GTSE1: variants seen among roughly 807,000 people sequenced by gnomAD.
GTSE1 encodes G2 and S phase-expressed protein 1.
A neutral mutation model predicts 60.5 loss-of-function variants in GTSE1; 52 were observed. The observed-to-expected ratio is 0.86, with a 90% CI of 0.69 to 1.08. GTSE1 has a LOEUF of 1.08. Among genes scored for constraint, GTSE1 ranks in the 50% least tolerant of loss-of-function variants. The pLI is 0.00. For synonymous variants in GTSE1, 368 were observed against 386.5 expected (o/e 0.95, Z 0.56); for missense variants, 937 against 961.8 (o/e 0.97, Z 0.34).
chr22:46,297,902 G>A lies in GTSE1; in HGVS notation c.79+423G>A, dbSNP rs976718211. On this transcript the variant is annotated intron_variant, in intron 2 of 11. Coordinates refer to ENST00000454366, the MANE Select transcript of GTSE1 (RefSeq NM_016426.7). The surrounding 1 kb of genome is among the most constrained non-coding windows in gnomAD (Gnocchi z 4.9). The stretch of plus-strand genomic sequence containing the variant: ...GACTGGTTTGGGTATCAAGGTGAGG[G>A]TACAGCTTCACAGAATGAGTTACAG... Among the ~76,000 whole-genome samples, 2 of 152,034 alleles carry A rather than the reference G, an allele frequency of 1.3e-5. No homozygotes were observed. The highest frequency in any genetic ancestry group is 4.8e-5 in the African/African-American group (2 of 41,378).
intron 7 of GTSE1, among the ~76,000 whole-genome samples, chr22:46,322,615 C>CT (rs1267593836): frequency 1.3e-5 from 2 of 152,176 alleles, no homozygotes; most frequent in Admixed American, 1.3e-4. Context: ...CTGGTGACCC[C>CT]TTTGCCCTCT....
rs994848446 is a variant in GTSE1 at position 46,317,163 on chromosome 22, C to T, written c.1432+751C>T. Among the ~76,000 whole-genome samples the T allele has an allele frequency of 2.0e-5, 3 of 152,206 alleles. No homozygotes were observed. The highest frequency in any genetic ancestry group is 4.1e-4 in the South Asian group (2 of 4,830). The stretch of plus-strand genomic sequence containing the variant: ...TGTATTTTTGGTAGAGACGGGGTTT[C>T]GCCATGTTGGCCAGGCTGGTCTGGA... On this transcript the variant is annotated intron_variant, in intron 7 of 11. Coordinates refer to ENST00000454366, the MANE Select transcript of GTSE1 (RefSeq NM_016426.7). The surrounding 1 kb of genome is among the most constrained non-coding windows in gnomAD (Gnocchi z 5.6).
chr22:46,329,268 C>T lies in GTSE1; in HGVS notation c.1927-90C>T. ...TTCCTTGGCTTTCCAAACCGCCAGC[C>T]CACCTGGAACATGAGCAAAGCTCAC... On this transcript the variant is annotated intron_variant, in intron 10 of 11. Transcript: ENST00000454366. This position sits in a 1 kb window ranked among gnomAD's most constrained non-coding sequence, Gnocchi z 6.4. The T allele has an allele frequency of 8.1e-6, 9 of 1,107,442 alleles. 1 individual carries two copies. The highest frequency in any genetic ancestry group is 1.2e-5 in the Non-Finnish European group (9 of 728,468). The allele number at this position is 1,107,442 out of a possible 1,614,324, so 68.6% of individuals were successfully genotyped here.
Position 46,308,492 on chromosome 22 carries a change from A to C in GTSE1, c.311A>C (p.Glu104Ala). The change falls in exon 4 of 12, where the codon GAA becomes GCA. Residue 104 changes from glutamate to alanine, a missense_variant. Coordinates refer to ENST00000454366, the MANE Select transcript of GTSE1 (RefSeq NM_016426.7). ...AGEKFVEVYK[E>A]AHLLALHIES... Reference sequence around the variant, plus strand: ...GAGAAGTTCGTGGAGGTGTACAAAGAAGCTCACTTACTGGCTTTACACATT... The same window carrying C: ...GAGAAGTTCGTGGAGGTGTACAAAGCAGCTCACTTACTGGCTTTACACATT... The C allele has an allele frequency of 6.2e-7, 1 of 1,614,220 alleles. No individual in the cohort carries two copies. Among genetic ancestry groups the C allele is most frequent in the East Asian group, 2.2e-5 (1 of 44,886 alleles).
In GTSE1 at chr22:46,321,607, C is replaced by T. The variant is rs551420574; in HGVS notation, c.1433-1583C>T. ...TAACAAACGGAGTTTCTGAAGAATG[C>T]GGAGGTAGCAATGTGGGTGCGTGAT... On this transcript the variant is annotated intron_variant, in intron 7 of 11. Transcript: ENST00000454366. This position sits in a 1 kb window ranked among gnomAD's most constrained non-coding sequence, Gnocchi z 4.0. Among the ~76,000 whole-genome samples the T allele has an allele frequency of 1.2e-4, 19 of 152,112 alleles. No individual in the cohort carries two copies. The highest frequency in any genetic ancestry group is 2.2e-4 in the Non-Finnish European group (15 of 67,990).
chr22:46,316,116 C>T lies in GTSE1; in HGVS notation c.1136C>T (p.Ala379Val). 2 of 1,593,464 alleles carry T rather than the reference C, an allele frequency of 1.3e-6. No homozygotes were observed. Among genetic ancestry groups the T allele is most frequent in the East Asian group, 4.5e-5 (2 of 44,476 alleles). ...AGCAAGTCAGGCAGAATGGGACCCG[C>T]CATGCTGCGGCCAGCTCTGCCTGCA... ...NISKSGRMGP[A>V]MLRPALPAGP... The change falls in exon 7 of 12, where the codon GCC becomes GTC. Residue 379 changes from alanine (A) to valine (V), a missense_variant. Coordinates refer to ENST00000454366, the MANE Select transcript of GTSE1 (RefSeq NM_016426.7). This position sits in a 1 kb window ranked among gnomAD's most constrained non-coding sequence, Gnocchi z 5.0.
chr22:46,308,316 T>C lies in GTSE1; in HGVS notation c.138-3T>C. The C allele has an allele frequency of 6.2e-7, 1 of 1,611,336 alleles. No individual in the cohort carries two copies. Among genetic ancestry groups the C allele is most frequent in the Non-Finnish European group, 8.5e-7 (1 of 1,177,982 alleles). ...ATTAATCATTCTTTTTTTAAACAAATAGTGCAAATGAAGATGATGAAGTCT... is the reference window on the plus strand; with the variant it reads ...ATTAATCATTCTTTTTTTAAACAAACAGTGCAAATGAAGATGATGAAGTCT... On this transcript the variant is annotated splice_region_variant and splice_polypyrimidine_tract_variant and intron_variant, in intron 3 of 11. Transcript: ENST00000454366.
chr22:46,312,655 A>G (rs1020739038), intron 5 of GTSE1, among the ~76,000 whole-genome samples: 2 of 151,416 alleles, frequency 1.3e-5, no homozygotes, highest in Non-Finnish European at 2.9e-5. Context: ...AAAAAAAAAA[A>G]AGAGGTGGAA....
rs2077815314 is a variant in GTSE1 at position 46,321,986 on chromosome 22, A to G, written c.1433-1204A>G. On this transcript the variant is annotated intron_variant, in intron 7 of 11. Transcript: ENST00000454366. The surrounding 1 kb of genome is among the most constrained non-coding windows in gnomAD (Gnocchi z 4.0). ...CTACTCAGGAGGCTGAGGCAAAAGAATCACTTGAACCCAGGAGGCGGAGGT... is the reference window on the plus strand; with the variant it reads ...CTACTCAGGAGGCTGAGGCAAAAGAGTCACTTGAACCCAGGAGGCGGAGGT... 6.6e-6 allele frequency among the ~76,000 whole-genome samples: 1 copy of G among 150,824 alleles called. No individual in the cohort carries two copies. The highest frequency in any genetic ancestry group is 2.1e-4 in the South Asian group (1 of 4,788).
rs1335033785 is a variant in GTSE1 at position 46,314,094 on chromosome 22, C to A, written c.1051+81C>A. On this transcript the variant is annotated intron_variant, in intron 6 of 11. Coordinates refer to ENST00000454366, the MANE Select transcript of GTSE1 (RefSeq NM_016426.7). This position sits in a 1 kb window ranked among gnomAD's most constrained non-coding sequence, Gnocchi z 7.1. ...GCTGCTCAGGCCTTGGAGACTGTTT[C>A]TGCAGAACCACTTAGGCTTGGCAGG... 1.3e-6 allele frequency: 2 copies of A among 1,549,994 alleles called. No individual in the cohort carries two copies. The highest frequency in any genetic ancestry group is 1.8e-6 in the Non-Finnish European group (2 of 1,129,356).
In GTSE1 at chr22:46,311,069, T is replaced by G. The variant is rs114672380; in HGVS notation, c.763-1072T>G. Among the ~76,000 whole-genome samples the G allele has an allele frequency of 8.6e-3, 1,310 of 152,060 alleles. 14 individuals are homozygous for G. Among genetic ancestry groups the G allele is most frequent in the African/African-American group, 0.025 (1,041 of 41,466 alleles). ...CGCTAATGGGTACAGGTTGTTTTTT[T>G]TTTTGTTTTGTTTTGTTTTGTTTCT... On this transcript the variant is annotated intron_variant, in intron 4 of 11. Coordinates refer to ENST00000454366, the MANE Select transcript of GTSE1 (RefSeq NM_016426.7).
At chr22:46,322,971 C>T (rs192852576) in intron 7 of GTSE1, among the ~76,000 whole-genome samples, 4 of 152,362 alleles carry the variant, frequency 2.6e-5, no homozygotes, top group African/African-American at 9.6e-5. Context: ...CAGACCACAG[C>T]CTTTGCCTGG....
intron 4 of GTSE1, 37 bp downstream of exon 4, chr22:46,308,980 C>G (rs2077733751): frequency 1.3e-6 from 2 of 1,569,094 alleles, no homozygotes; most frequent in African/African-American, 1.4e-5. Context: ...TGGGGAGCCC[C>G]CACTCCTTGC....
rs537154635 is a variant in GTSE1 at position 46,303,885 on chromosome 22, C to T, written c.80-4265C>T. The stretch of plus-strand genomic sequence containing the variant: ...GTTCTTTTCCTTCCTGCCATGGAGA[C>T]GAGCGGTGTTCCTGATGGTGGAGGC... On this transcript the variant is annotated intron_variant, in intron 2 of 11. Coordinates refer to ENST00000454366, the MANE Select transcript of GTSE1 (RefSeq NM_016426.7). 5.9e-5 allele frequency among the ~76,000 whole-genome samples: 9 copies of T among 152,210 alleles called. No individual in the cohort carries two copies. The East Asian group carries it at 9.6e-4, about 16-fold the overall frequency.
Position 46,299,443 on chromosome 22 carries a change from T to C in GTSE1, c.79+1964T>C, listed in dbSNP as rs1252665360. 2.0e-5 allele frequency among the ~76,000 whole-genome samples: 3 copies of C among 152,258 alleles called. No homozygotes were observed. In the East Asian group the frequency reaches 5.8e-4, roughly 29 times the overall value. ...CTCATCTCAAACTTGGCATACCCCC[T>C]CTGCATCTGCATACCCTGTTCTTTT... On this transcript the variant is annotated intron_variant, in intron 2 of 11. Transcript: ENST00000454366.
In GTSE1 at chr22:46,330,233, G is replaced by A. The variant is rs949789433; in HGVS notation, c.*103G>A. ...GCAGTGGCTTACACTTGTAACCCTAGAACTTGGGAGGCTGAGGTGGGCGGA... is the reference window on the plus strand; with the variant it reads ...GCAGTGGCTTACACTTGTAACCCTAAAACTTGGGAGGCTGAGGTGGGCGGA... On this transcript the variant is annotated 3_prime_UTR_variant, in exon 12 of 12. Transcript: ENST00000454366. The surrounding 1 kb of genome is among the most constrained non-coding windows in gnomAD (Gnocchi z 6.0). The A allele has an allele frequency of 8.3e-6, 6 of 720,268 alleles. No individual in the cohort carries two copies. Among genetic ancestry groups the A allele is most frequent in the Non-Finnish European group, 1.5e-5 (6 of 394,692 alleles). 44.6% of individuals were successfully genotyped at this position (720,268 alleles called of 1,614,324 possible). A position where few individuals can be genotyped will look rare whatever the true frequency, so the allele number is the denominator to read the frequency against.
rs920415635 is a variant in GTSE1 at position 46,329,796 on chromosome 22, C to T, written c.2136+229C>T. On this transcript the variant is annotated intron_variant, in intron 11 of 11. Transcript: ENST00000454366. The surrounding 1 kb of genome is among the most constrained non-coding windows in gnomAD (Gnocchi z 6.4). The stretch of plus-strand genomic sequence containing the variant: ...AGCTCTTGTTGGACAGGGACCGCCT[C>T]TCTCCTGCCCATAGACCCCAGGGCC... Among the ~76,000 whole-genome samples the T allele has an allele frequency of 5.3e-5, 8 of 152,236 alleles. No individual in the cohort carries two copies. Among genetic ancestry groups the T allele is most frequent in the Non-Finnish European group, 1.2e-4 (8 of 68,038 alleles).
rs943113455 is a variant in GTSE1, at chr22:46,329,299, C to T, written c.1927-59C>T. 3 of 1,361,434 alleles carry T rather than the reference C, an allele frequency of 2.2e-6. No homozygotes were observed. The highest frequency in any genetic ancestry group is 2.9e-5 in the African/African-American group (2 of 70,008). The allele number at this position is 1,361,434 out of a possible 1,614,324, so 84.3% of individuals were successfully genotyped here. A position where few individuals can be genotyped will look rare whatever the true frequency, so the allele number is the denominator to read the frequency against. ...GGAACATGAGCAAAGCTCACATTCTCCCAAGATGGTTGCCAGAAAGATGCT... is the reference window on the plus strand; with the variant it reads ...GGAACATGAGCAAAGCTCACATTCTTCCAAGATGGTTGCCAGAAAGATGCT... On this transcript the variant is annotated intron_variant, in intron 10 of 11. Transcript: ENST00000454366. This position sits in a 1 kb window ranked among gnomAD's most constrained non-coding sequence, Gnocchi z 6.4.
chr22:46,305,441 C>T (rs1200386021), intron 2 of GTSE1, among the ~76,000 whole-genome samples: 1 of 151,794 alleles, frequency 6.6e-6, no homozygotes, highest in East Asian at 1.9e-4. Flanking sequence ...AACCCCGTCT[C>T]TACTAGAAAT....
Sources: allele counts gnomAD v4.1 joint callset (sites outside exome capture counted in the v4.1 genomes callset), GRCh38; gene constraint gnomAD v4.1.1; non-coding constraint Gnocchi (gnomAD v3.1); transcripts MANE v1.5; gene names NCBI Gene and HGNC (gene_info 2026-07-23, HGNC 2026-07-21).